The following AGL variants were observed in gnomAD, a reference collection of about 807,000 sequenced individuals.
AGL encodes amylo-alpha-1,6-glucosidase and 4-alpha-glucanotransferase, also known as glycogen debranching enzyme.
In AGL, 128 loss-of-function variants were observed where a neutral mutation model predicts 199.3. The observed-to-expected ratio is 0.64, with a 90% CI of 0.56 to 0.74. The LOEUF is 0.74. AGL is among the 30% of genes least tolerant of loss of function. AGL has a pLI of 0.00. For synonymous variants in AGL, 584 were observed against 594.7 expected (o/e 0.98, Z 0.26); for missense variants, 1,809 against 1,820.8 (o/e 0.99, Z 0.12).
chr1:99,866,967 C>A (rs1156974106), intron 5 of AGL, among the ~76,000 whole-genome samples: 2 of 151,920 alleles, frequency 1.3e-5, no homozygotes, highest in Non-Finnish European at 2.9e-5. Context: ...TACAGGCATG[C>A]ACCAACACAC....
chr1:99,885,623 C>T (rs1201050113), intron 20 of AGL, among the ~76,000 whole-genome samples: 1 of 152,102 alleles, frequency 6.6e-6, no homozygotes, highest in East Asian at 1.9e-4. Context: ...TCAGTGGCTG[C>T]ATTAGATTCT....
Position 99,877,768 on chromosome 1 carries a change from A to C in AGL, c.1551A>C (p.Ala517=), listed in dbSNP as rs1064797114. The change falls in exon 12 of 34, where the codon GCA becomes GCC. Residue 517 remains alanine (A), a synonymous_variant. Transcript: ENST00000361915. The part of the protein sequence containing the change: ...AHMKKYTEIT[A]TYFQGVRLDN... Reference sequence around the variant, plus strand: ...TGAAAAAATACACTGAAATAACTGCAACTTATTTCCAGGGAGTACGTCTTG... The same window carrying C: ...TGAAAAAATACACTGAAATAACTGCCACTTATTTCCAGGGAGTACGTCTTG... 2 of 1,614,072 alleles carry C rather than the reference A, an allele frequency of 1.2e-6. No homozygotes were observed. The highest frequency in any genetic ancestry group is 1.7e-6 in the Non-Finnish European group (2 of 1,179,964).
At chr1:99,858,602 T>G (rs911517595) in intron 2 of AGL, among the ~76,000 whole-genome samples, 7 of 152,208 alleles carry the variant, frequency 4.6e-5, no homozygotes, top group Non-Finnish European at 5.9e-5. Context: ...AGTGAAAGCA[T>G]TTTGAATATA....
rs144714696 is a variant in AGL, at chr1:99,876,596, G to A, written c.1422G>A (p.Pro474=). The A allele has an allele frequency of 1.4e-5, 22 of 1,613,894 alleles. No individual in the cohort carries two copies. The highest frequency in any genetic ancestry group is 7.7e-5 in the South Asian group (7 of 91,070). The change falls in exon 11 of 34, where the codon CCG becomes CCA. Residue 474 remains proline (P), a splice_region_variant and synonymous_variant. Transcript: ENST00000361915. ...ATCCTCTTCGAAACTTTGCTGAACC[G>A]GGTATGTAATTTTTAACTTCTCTGT... ...GDDPLRNFAE[P]GSEVYLRREL...
At chr1:99,901,163 C>T (rs968065523) in intron 26 of AGL, among the ~76,000 whole-genome samples, 7 of 151,326 alleles carry the variant, frequency 4.6e-5, no homozygotes, top group Non-Finnish European at 8.8e-5. Flanking sequence ...TCAGGGAGAA[C>T]GTTAGAAAGT....
At chr1:99,889,819 A>T (rs1652741979) in intron 21 of AGL, among the ~76,000 whole-genome samples, 1 of 152,062 alleles carries the variant, frequency 6.6e-6, no homozygotes, top group South Asian at 2.1e-4. Flanking sequence ...TCTAAATAGA[A>T]TTGCCTTTAC....
At chr1:99,875,664 A>G (rs1009859777) in intron 10 of AGL, among the ~76,000 whole-genome samples, 1 of 152,170 alleles carries the variant, frequency 6.6e-6, no homozygotes, top group Non-Finnish European at 1.5e-5. Flanking sequence ...GTATAAACCA[A>G]TTCATAGTTA....
At chr1:99,868,542 G>C (rs1401495864) in intron 5 of AGL, among the ~76,000 whole-genome samples, 2 of 152,104 alleles carry the variant, frequency 1.3e-5, no homozygotes, top group Admixed American at 1.3e-4. Flanking sequence ...AACCCAGGAG[G>C]TGGAGGTTAC....
rs1001668435 is a variant in AGL, at chr1:99,881,681, G to A, written c.2298G>A (p.Met766Ile). The stretch of plus-strand genomic sequence containing the variant: ...TTTACAGCAAGGAAGTGCCTCAAAT[G>A]TGCATCCCTGGTAATGCAATCTAAA... ...TSFYSKEVPQ[M>I]CIPGKIEEVV... is the part of the protein sequence containing the mutation. The change falls in exon 17 of 34, where the codon ATG (methionine) becomes ATA (isoleucine). Residue 766 changes from methionine to isoleucine, a missense_variant. Physicochemically the swap from Met to Ile is conservative, Grantham distance 10. Coordinates refer to ENST00000361915, the MANE Select transcript of AGL (RefSeq NM_000642.3). 14 of 1,613,708 alleles carry A rather than the reference G, an allele frequency of 8.7e-6. No individual in the cohort carries two copies. Among genetic ancestry groups the A allele is most frequent in the Non-Finnish European group, 9.3e-6 (11 of 1,179,830 alleles).
chr1:99,906,692 C>T (rs1181358879), intron 27 of AGL, among the ~76,000 whole-genome samples: 1 of 152,206 alleles, frequency 6.6e-6, no homozygotes, highest in African/African-American at 2.4e-5. Context: ...TCATCCATCT[C>T]ATAGCATGTG....
intron 30 of AGL, 126 bp downstream of exon 30, chr1:99,913,864 TTAAA>T: frequency 1.1e-5 from 10 of 890,110 alleles, no homozygotes; most frequent in Non-Finnish European, 1.8e-5. Flanking sequence ...CTAGCTAGTT[TTAAA>T]TAGTCTTTCC....
At position 99,915,422 on chromosome 1, in the gene AGL, A is replaced by G. The variant is rs772026557; in HGVS notation, c.4195A>G (p.Lys1399Glu). ...PELFTTEKAW[K>E]ALEIAEKKLL... ...GCTCTTTACTACAGAAAAAGCATGG[A>G]AAGCTTTGGAGATTGCAGAAAAAAA... The change falls in exon 31 of 34, where the codon AAA becomes GAA. Residue 1399 changes from lysine (K) to glutamate (E), a missense_variant. Transcript: ENST00000361915. 4 of 1,613,910 alleles carry G rather than the reference A, an allele frequency of 2.5e-6. No individual in the cohort carries two copies. In the African/African-American group the frequency reaches 4.0e-5, roughly 16 times the overall value.
rs17121560 is a variant in AGL, at chr1:99,896,266, T to C, written c.3260-20T>C. 6.1e-4 allele frequency: 961 copies of C among 1,563,448 alleles called. 7 individuals are homozygous for C. In the African/African-American group the frequency reaches 0.011, roughly 18 times the overall value. The stretch of plus-strand genomic sequence containing the variant: ...TATTATTATGATTAACATATTACTT[T>C]GTTGTGTTTTTTTTGTTAGGCTTAC... On this transcript the variant is annotated intron_variant, in intron 24 of 33. Coordinates refer to ENST00000361915, the MANE Select transcript of AGL (RefSeq NM_000642.3).
At chr1:99,882,646 T>G (rs1652141356) in intron 17 of AGL, among the ~76,000 whole-genome samples, 1 of 152,186 alleles carries the variant, frequency 6.6e-6, no homozygotes, top group African/African-American at 2.4e-5. Flanking sequence ...AGTCAAAAAT[T>G]ATAAAATACA....
At chr1:99,909,765 C>T (rs1172897525) in intron 27 of AGL, among the ~76,000 whole-genome samples, 1 of 151,982 alleles carries the variant, frequency 6.6e-6, no homozygotes, top group Non-Finnish European at 1.5e-5. Flanking sequence ...TTATGATAGT[C>T]CACTGTATTA....
chr1:99,920,086 T>A (rs193262220), intron 33 of AGL, among the ~76,000 whole-genome samples: 1 of 152,368 alleles, frequency 6.6e-6, no homozygotes, highest in East Asian at 1.9e-4. Flanking sequence ...CAAGTGTAAT[T>A]ATGGGCAGCA....
intron 1 of AGL, 136 bp from the exon 2 acceptor site, chr1:99,850,839 A>AT (rs1648890328): frequency 1.6e-6 from 1 of 606,468 alleles, no homozygotes; most frequent in Admixed American, 2.7e-5. Flanking sequence ...TCGAATCTTA[A>AT]TAGTTATAAG....
intron 33 of AGL, among the ~76,000 whole-genome samples, chr1:99,918,171 A>G (rs1006021999): frequency 1.6e-4 from 25 of 152,160 alleles, no homozygotes; most frequent in African/African-American, 5.6e-4. Context: ...TAGAATTCAA[A>G]GTTAAGCTTT....
chr1:99,897,074 C>T (rs992658879), intron 25 of AGL, among the ~76,000 whole-genome samples: 4 of 152,136 alleles, frequency 2.6e-5, no homozygotes, highest in African/African-American at 9.7e-5. Flanking sequence ...CTCGGCCTCC[C>T]GAAGTGCTGG....
Sources: gnomAD v4.1 joint callset for allele counts (sites outside exome capture counted in the v4.1 genomes callset) on GRCh38, gnomAD v4.1.1 for gene constraint, MANE v1.5 for transcripts, NCBI Gene and HGNC (gene_info 2026-07-23, HGNC 2026-07-21) for gene names.